AKAP6: variants seen among roughly 807,000 people sequenced by gnomAD.
The protein encoded by AKAP6 is A-kinase anchor protein 6.
AKAP6 carries 58 observed loss-of-function variants against 188.5 expected under a neutral mutation model. The observed-to-expected ratio is 0.31, with a 90% CI of 0.25 to 0.38. AKAP6 has a LOEUF of 0.38. AKAP6 is among the 10% of genes least tolerant of loss of function. The pLI, the probability that AKAP6 is intolerant of heterozygous loss-of-function variation, is 1.00. For synonymous variants in AKAP6, 989 were observed against 998.6 expected (o/e 0.99, Z 0.18); for missense variants, 2,710 against 2,740.0 (o/e 0.99, Z 0.24).
chr14:32,435,052 C>T (rs139571876), intron 2 of AKAP6, among the ~76,000 whole-genome samples: 4 of 152,318 alleles, frequency 2.6e-5, no homozygotes, highest in East Asian at 1.9e-4. Context: ...TCTGCTGTTG[C>T]AGCAGGGAGT....
chr14:32,524,804 G>T lies in AKAP6; in HGVS notation c.325-10750G>T, dbSNP rs1882038903. Among the ~76,000 whole-genome samples the T allele has an allele frequency of 2.0e-5, 3 of 152,194 alleles. No homozygotes were observed. The South Asian group carries it at 6.2e-4, about 31-fold the overall frequency. ...TCCCACTTCAGCATCAGTCAGCCTA[G>T]ACAGATGACCCATTTCTGGCTCCGT... On this transcript the variant is annotated intron_variant, in intron 2 of 13. Coordinates refer to ENST00000280979, the MANE Select transcript of AKAP6 (RefSeq NM_004274.5).
intron 1 of AKAP6, among the ~76,000 whole-genome samples, chr14:32,400,546 A>G (rs1437038257): frequency 1.4e-5 from 1 of 70,942 alleles, no homozygotes; most frequent in Non-Finnish European, 2.8e-5. Flanking sequence ...ATTTCAAGAT[A>G]TTTAGTCCAC....
chr14:32,674,756 A>G (rs1889357902), intron 7 of AKAP6, among the ~76,000 whole-genome samples: 1 of 152,156 alleles, frequency 6.6e-6, no homozygotes, highest in East Asian at 1.9e-4. Flanking sequence ...ATATATAAGT[A>G]TGCAGCTTAG....
At chr14:32,666,485 C>T (rs970312744) in intron 7 of AKAP6, among the ~76,000 whole-genome samples, 1 of 151,816 alleles carries the variant, frequency 6.6e-6, no homozygotes. Context: ...TTTTTTTCCC[C>T]TCTCACAAAA....
chr14:32,582,609 G>C (rs571462594), intron 5 of AKAP6, among the ~76,000 whole-genome samples: 7 of 152,216 alleles, frequency 4.6e-5, no homozygotes, highest in Admixed American at 4.6e-4. Context: ...CATTCTCCCT[G>C]TCACTTTCAG....
chr14:32,363,146 A>G lies in AKAP6; in HGVS notation c.-35+33738A>G, dbSNP rs193023803. ...AAACAAACTAACAAATAAAACCCCT[A>G]CCAATAACTGACCATATAATGTGTG... is the stretch of plus-strand genomic sequence containing the variant. On this transcript the variant is annotated intron_variant, in intron 1 of 13. Transcript: ENST00000280979. 2.0e-5 allele frequency among the ~76,000 whole-genome samples: 3 copies of G among 152,286 alleles called. No homozygotes were observed. In the East Asian group the frequency reaches 5.8e-4, roughly 29 times the overall value.
intron 1 of AKAP6, among the ~76,000 whole-genome samples, chr14:32,330,577 T>A (rs1478729365): frequency 6.6e-6 from 1 of 151,948 alleles, no homozygotes; most frequent in East Asian, 1.9e-4. Flanking sequence ...GCTGCCAAAT[T>A]GATAGTTTTT....
chr14:32,777,637 G>A (rs2033108079), intron 12 of AKAP6, among the ~76,000 whole-genome samples: 1 of 152,148 alleles, frequency 6.6e-6, no homozygotes, highest in African/African-American at 2.4e-5. Flanking sequence ...TGTGCAAAAT[G>A]AAGCAGAAAG....
At chr14:32,468,826 C>G (rs866597206) in intron 2 of AKAP6, among the ~76,000 whole-genome samples, 4 of 152,044 alleles carry the variant, frequency 2.6e-5, no homozygotes, top group Admixed American at 2.0e-4. Context: ...GACTTGCCCC[C>G]CTTTGCTCTA....
chr14:32,695,344 C>A (rs1261498160), intron 8 of AKAP6, among the ~76,000 whole-genome samples: 1 of 152,120 alleles, frequency 6.6e-6, no homozygotes, highest in Non-Finnish European at 1.5e-5. Context: ...TCATCCATAA[C>A]AATAAATGTA....
At chr14:32,663,405 G>A (rs1888786983) in intron 7 of AKAP6, among the ~76,000 whole-genome samples, 1 of 152,022 alleles carries the variant, frequency 6.6e-6, no homozygotes, top group Admixed American at 6.6e-5. Flanking sequence ...GAATCTGTGG[G>A]TGATGTCAAA....
At chr14:32,697,433 A>G (rs1157510496) in intron 9 of AKAP6, among the ~76,000 whole-genome samples, 1 of 152,208 alleles carries the variant, frequency 6.6e-6, no homozygotes, top group Non-Finnish European at 1.5e-5. Flanking sequence ...ATATTGTTAC[A>G]GTAACAGTCT....
At chr14:32,564,679 G>A (rs1205453152) in intron 4 of AKAP6, among the ~76,000 whole-genome samples, 1 of 152,162 alleles carries the variant, frequency 6.6e-6, no homozygotes, top group African/African-American at 2.4e-5. Context: ...AACCTCAGAT[G>A]TTAACAGTCA....
rs149348706 is a variant in AKAP6 at position 32,677,545 on chromosome 14, T to C, written c.2731-766T>C. On this transcript the variant is annotated intron_variant, in intron 7 of 13. Transcript: ENST00000280979. ...GGCCAAGCATGTCCCTGAGAAGATA[T>C]CATTCTCGGTCTCATCTGATGTTCT... Among the ~76,000 whole-genome samples, 808 of 152,302 alleles carry C rather than the reference T, an allele frequency of 5.3e-3. 7 individuals carry two copies. The highest frequency in any genetic ancestry group is 0.018 in the African/African-American group (745 of 41,572).
chr14:32,419,804 A>G (rs1393662266), intron 1 of AKAP6, among the ~76,000 whole-genome samples: 2 of 152,124 alleles, frequency 1.3e-5, no homozygotes, highest in East Asian at 1.9e-4. Context: ...GAGTGGATAG[A>G]CACAATTTTG....
chr14:32,764,401 T>G (rs2032639448), intron 11 of AKAP6, among the ~76,000 whole-genome samples: 1 of 152,214 alleles, frequency 6.6e-6, no homozygotes, highest in Non-Finnish European at 1.5e-5. Flanking sequence ...AGGTTCAATC[T>G]CCTTCCCTTT....
At chr14:32,770,318 C>A (rs1021446107) in intron 11 of AKAP6, among the ~76,000 whole-genome samples, 3 of 152,158 alleles carry the variant, frequency 2.0e-5, no homozygotes, top group African/African-American at 7.2e-5. Flanking sequence ...TAAAGATTAT[C>A]AAATTATAGG....
At chr14:32,401,311 C>A (rs932813184) in intron 1 of AKAP6, among the ~76,000 whole-genome samples, 6 of 151,956 alleles carry the variant, frequency 3.9e-5, no homozygotes, top group African/African-American at 1.5e-4. Flanking sequence ...TACTTGTAGC[C>A]CCAAAGATTC....
At chr14:32,588,955 G>A (rs1408027172) in intron 5 of AKAP6, among the ~76,000 whole-genome samples, 2 of 152,162 alleles carry the variant, frequency 1.3e-5, no homozygotes, top group Admixed American at 1.3e-4. Flanking sequence ...ACTTTCAGCT[G>A]TTTTTCTCTT....
Sources: allele counts gnomAD v4.1 joint callset (sites outside exome capture counted in the v4.1 genomes callset), GRCh38; gene constraint gnomAD v4.1.1; transcripts MANE v1.5; gene names NCBI Gene and HGNC (gene_info 2026-07-23, HGNC 2026-07-21).